The following CSMD2 variants were observed in gnomAD, a reference collection of about 807,000 sequenced individuals.
The protein encoded by CSMD2 is CUB and Sushi multiple domains 2, also known as CUB and sushi domain-containing protein 2.
Under a neutral mutation model 398.5 loss-of-function variants are expected in CSMD2, and 130 were observed. The observed-to-expected ratio is 0.33, with a 90% CI of 0.28 to 0.38. CSMD2 has a LOEUF of 0.38. CSMD2 is among the 10% of genes least tolerant of loss of function. CSMD2 has a pLI of 1.00. For missense variants in CSMD2, 3,829 were observed against 4,764.9 expected, an observed-to-expected ratio of 0.80 and a Z score of 5.78; for synonymous variants, 1,828 against 1,908.5, an observed-to-expected ratio of 0.96 and a Z score of 1.10.
chr1:33,930,735 G>A (rs1163555232), intron 4 of CSMD2, among the ~76,000 whole-genome samples: 1 of 152,158 alleles, frequency 6.6e-6, no homozygotes, highest in Non-Finnish European at 1.5e-5. Context: ...CACCTCCCAG[G>A]GACCTCTGCT....
chr1:33,998,525 T>G (rs910428577), intron 3 of CSMD2, among the ~76,000 whole-genome samples: 5 of 152,208 alleles, frequency 3.3e-5, no homozygotes, highest in Non-Finnish European at 7.3e-5. Flanking sequence ...CTGCCCAGCT[T>G]CGTTAACTTT....
intron 5 of CSMD2, chr1:33,871,069 T>C (rs1332392120): frequency 6.6e-6 from 1 of 152,222 alleles, no homozygotes; most frequent in African/African-American, 2.4e-5. Context: ...AGTGGACACC[T>C]TTACTGCAGC....
rs562242200 is a variant in CSMD2, at chr1:33,630,065, TCTTC to T, written c.5200+3353_5200+3356del. 8.9e-3 allele frequency among the ~76,000 whole-genome samples: 1,350 copies of T among 151,088 alleles called. 7 individuals are homozygous for T. Among genetic ancestry groups the T allele is most frequent in the African/African-American group, 0.015 (609 of 41,284 alleles). On this transcript the variant is annotated intron_variant, in intron 32 of 70. Coordinates refer to ENST00000373381, the MANE Select transcript of CSMD2 (RefSeq NM_001281956.2). The stretch of plus-strand genomic sequence containing the variant: ...ACTCTCTCATCTTCCTCCCCCATCT[TCTTC>T]CTTCCTTCCTTCCTTCCTTCCTTGC...
Position 33,625,231 on chromosome 1 carries a change from G to A in CSMD2, c.5320C>T (p.Gln1774Ter). 6.2e-7 allele frequency: 1 copy of A among 1,612,924 alleles called. No individual in the cohort carries two copies. The highest frequency in any genetic ancestry group is 8.5e-7 in the Non-Finnish European group (1 of 1,179,762). Reference protein sequence around the residue: ...YQAVPRTSATQCSSVPEPRYG... With the variant: ...YQAVPRTSAT ...CGGGGTTCCGGCACAGAGCTGCACTGCGTGGCGCTGGTTCGAGGAACCGCT... is the reference window on the plus strand; with the variant it reads ...CGGGGTTCCGGCACAGAGCTGCACTACGTGGCGCTGGTTCGAGGAACCGCT... Residue 1774 changes from glutamine to a stop codon, truncating the protein, a stop_gained, in exon 34 of 71, where the codon CAG becomes TAG. Coordinates refer to ENST00000373381, the MANE Select transcript of CSMD2 (RefSeq NM_001281956.2). LOFTEE classifies it high-confidence loss of function.
chr1:33,928,323 T>C (rs557285121), intron 4 of CSMD2, among the ~76,000 whole-genome samples: 34 of 152,132 alleles, frequency 2.2e-4, no homozygotes, highest in African/African-American at 8.0e-4. Context: ...TCCTTGGGAG[T>C]TGTGAGGATT....
chr1:33,725,587 T>C (rs777719070), intron 16 of CSMD2, 51 bp from the exon 17 acceptor site: 2 of 1,579,832 alleles, frequency 1.3e-6, no homozygotes, highest in South Asian at 1.1e-5. Context: ...GCTTATTAAT[T>C]TGCAAATGAC....
At chr1:33,588,515 G>A (rs1332903699) in intron 44 of CSMD2, among the ~76,000 whole-genome samples, 2 of 152,034 alleles carry the variant, frequency 1.3e-5, no homozygotes, top group East Asian at 1.9e-4. Flanking sequence ...TTAACTAGGA[G>A]CCTATATCCC....
chr1:33,662,556 T>C (rs1644170707), intron 26 of CSMD2, among the ~76,000 whole-genome samples: 1 of 152,222 alleles, frequency 6.6e-6, no homozygotes, highest in Admixed American at 6.5e-5. Flanking sequence ...CACTTTCTTT[T>C]CTTGAGTAAC....
intron 3 of CSMD2, among the ~76,000 whole-genome samples, chr1:34,019,357 C>T (rs969332215): frequency 1.3e-5 from 2 of 152,226 alleles, no homozygotes; most frequent in Non-Finnish European, 2.9e-5. Context: ...CAGCAAGACT[C>T]TTCAGGTGAG....
At position 33,635,777 on chromosome 1, in the gene CSMD2, A is replaced by G. The variant is rs768118192; in HGVS notation, c.4970-447T>C. On this transcript the variant is annotated intron_variant, in intron 30 of 70. Coordinates refer to ENST00000373381, the MANE Select transcript of CSMD2 (RefSeq NM_001281956.2). The surrounding 1 kb of genome is among the most constrained non-coding windows in gnomAD (Gnocchi z 5.0). ...CCATGGGGAGTGGCCAGCCCATGTG[A>G]CCCAGCCACCTTCTGTTCCTCTCCA... 2.0e-5 allele frequency among the ~76,000 whole-genome samples: 3 copies of G among 151,964 alleles called. No individual in the cohort carries two copies. Among genetic ancestry groups the G allele is most frequent in the Non-Finnish European group, 4.4e-5 (3 of 67,974 alleles).
intron 41 of CSMD2, 56 bp downstream of exon 41, chr1:33,610,985 C>G (rs772612805): frequency 1.2e-4 from 186 of 1,537,548 alleles, no homozygotes; most frequent in Non-Finnish European, 1.6e-4. Context: ...AGGTGGGTGG[C>G]TGGGGCAAGA....
intron 14 of CSMD2, among the ~76,000 whole-genome samples, chr1:33,742,665 C>T (rs1288197616): frequency 1.4e-5 from 2 of 140,542 alleles, no homozygotes; most frequent in Admixed American, 7.6e-5. Flanking sequence ...AGAGAAGGGG[C>T]CCAGGATTGA....
At chr1:33,628,278 C>T (rs558635115) in intron 32 of CSMD2, among the ~76,000 whole-genome samples, 19 of 151,376 alleles carry the variant, frequency 1.3e-4, no homozygotes, top group African/African-American at 3.9e-4. Flanking sequence ...ATTAAAATAA[C>T]GAGAGAAATG....
At chr1:33,922,818 G>A (rs1410821419) in intron 4 of CSMD2, among the ~76,000 whole-genome samples, 1 of 152,066 alleles carries the variant, frequency 6.6e-6, no homozygotes, top group African/African-American at 2.4e-5. Flanking sequence ...TGTACCCCAA[G>A]CCATGTCACA....
chr1:33,527,398 G>C (rs547109954), intron 64 of CSMD2, 140 bp from the exon 65 acceptor site: 8 of 628,272 alleles, frequency 1.3e-5, no homozygotes, highest in African/African-American at 1.1e-4. Flanking sequence ...TAGACCAGGA[G>C]GTAGACTGCT....
At chr1:34,145,328 G>A (rs1192769306) in intron 1 of CSMD2, among the ~76,000 whole-genome samples, 1 of 152,240 alleles carries the variant, frequency 6.6e-6, no homozygotes, top group Non-Finnish European at 1.5e-5. Flanking sequence ...GGGAGGGGCT[G>A]AGGTTCTGTA....
rs544108922 is a variant in CSMD2 at position 33,847,118 on chromosome 1, A to G, written c.921-122T>C. 14 of 610,988 alleles carry G rather than the reference A, an allele frequency of 2.3e-5. 1 individual carries two copies. The East Asian group carries it at 4.8e-4, about 21-fold the overall frequency. The allele number at this position is 610,988 out of a possible 1,614,324, so 37.8% of individuals were successfully genotyped here. A position where few individuals can be genotyped will look rare whatever the true frequency, so the allele number is the denominator to read the frequency against. On this transcript the variant is annotated intron_variant, in intron 5 of 70. Coordinates refer to ENST00000373381, the MANE Select transcript of CSMD2 (RefSeq NM_001281956.2). The stretch of plus-strand genomic sequence containing the variant: ...GCCTCAGCCCAGCTCTGGAGCAGGA[A>G]GGGAAGGCGGTGTTGCCCCAGGCCC...
chr1:34,001,827 A>G (rs1006871001), intron 3 of CSMD2, among the ~76,000 whole-genome samples: 1 of 152,224 alleles, frequency 6.6e-6, no homozygotes, highest in Non-Finnish European at 1.5e-5. Flanking sequence ...AAGGGAGTTT[A>G]TGGAAATAAG....
At position 33,944,028 on chromosome 1, in the gene CSMD2, G is replaced by A. The variant is rs1024785457; in HGVS notation, c.518-8074C>T. ...CAGGGCCAGATAGTAAATATTTTTT[G>A]GCCTTGCAGGCTATATGGTCTCTGT... On this transcript the variant is annotated intron_variant, in intron 3 of 70. Transcript: ENST00000373381. Among the ~76,000 whole-genome samples, 21 of 151,670 alleles carry A rather than the reference G, an allele frequency of 1.4e-4. No homozygotes were observed. The South Asian group carries it at 2.7e-3, about 20-fold the overall frequency.
Sources: gnomAD v4.1 joint callset for allele counts (sites outside exome capture counted in the v4.1 genomes callset) on GRCh38, gnomAD v4.1.1 for gene constraint, Gnocchi (gnomAD v3.1) non-coding constraint, MANE v1.5 for transcripts, NCBI Gene and HGNC (gene_info 2026-07-23, HGNC 2026-07-21) for gene names.